The following AMOTL1 variants were observed in gnomAD, a reference collection of about 807,000 sequenced individuals.
AMOTL1 encodes angiomotin-like protein 1.
In AMOTL1, 45 loss-of-function variants were observed where a neutral mutation model predicts 102.9. That is an observed-to-expected ratio of 0.44 (90% CI 0.34 to 0.56). AMOTL1 has a LOEUF of 0.56. Among genes scored for constraint, AMOTL1 ranks in the 20% least tolerant of loss-of-function variants. The pLI is 0.01. For synonymous variants in AMOTL1, 481 were observed against 484.7 expected, an observed-to-expected ratio of 0.99 and a Z score of 0.10; for missense variants, 1,114 against 1,225.6, an observed-to-expected ratio of 0.91 and a Z score of 1.36.
chr11:94,769,050 G>A (rs1950903561), intron 1 of AMOTL1, among the ~76,000 whole-genome samples: 1 of 152,050 alleles, frequency 6.6e-6, no homozygotes, highest in Admixed American at 6.5e-5. Context: ...GGCCAGACCC[G>A]GCTCTGGCGG....
intron 1 of AMOTL1, among the ~76,000 whole-genome samples, chr11:94,725,870 T>C (rs1457858256): frequency 6.6e-6 from 1 of 152,160 alleles, no homozygotes; most frequent in Non-Finnish European, 1.5e-5. Context: ...AATGAGTTAC[T>C]GGAGTATTTT....
chr11:94,719,843 C>T (rs1306707047), intron 1 of AMOTL1, among the ~76,000 whole-genome samples: 1 of 152,120 alleles, frequency 6.6e-6, no homozygotes, highest in African/African-American at 2.4e-5. Context: ...GTGTATCACA[C>T]AGTATTTCTC....
chr11:94,875,228 T>C lies in AMOTL1; in HGVS notation c.*4433T>C, dbSNP rs1442245954. The C allele has an allele frequency of 1.3e-5, 2 of 152,236 alleles. No individual in the cohort carries two copies. Among genetic ancestry groups the C allele is most frequent in the African/African-American group, 4.8e-5 (2 of 41,464 alleles). The allele number at this position is 152,236 out of a possible 1,614,324, so 9.4% of individuals were successfully genotyped here. A position where few individuals can be genotyped will look rare whatever the true frequency, so the allele number is the denominator to read the frequency against. ...CTCCATGGGAGATAGGCAAAGTAAT[T>C]AAGAAGTTACCAGAAATTGGTCGGC... On this transcript the variant is annotated 3_prime_UTR_variant, in exon 13 of 13. Transcript: ENST00000433060.
intron 2 of AMOTL1, among the ~76,000 whole-genome samples, chr11:94,739,712 C>A (rs1950489584): frequency 6.6e-6 from 1 of 152,194 alleles, no homozygotes; most frequent in Non-Finnish European, 1.5e-5. Context: ...TTCCTTCCCA[C>A]TGACCCTGTT....
chr11:94,830,289 A>G (rs1409710798), intron 5 of AMOTL1, 95 bp downstream of exon 5: 9 of 1,211,036 alleles, frequency 7.4e-6, no homozygotes, highest in Non-Finnish European at 9.0e-6. Flanking sequence ...TGCCACAGGT[A>G]CTGGTCTACC....
chr11:94,869,504 GA>G, intron 12 of AMOTL1, 31 bp downstream of exon 12: 1 of 1,554,306 alleles, frequency 6.4e-7, no homozygotes, highest in East Asian at 2.3e-5. Flanking sequence ...TGATGCCCCT[GA>G]AAACTGTGGA....
At chr11:94,734,738 A>T (rs1019616613) in intron 2 of AMOTL1, among the ~76,000 whole-genome samples, 1 of 152,092 alleles carries the variant, frequency 6.6e-6, no homozygotes, top group Non-Finnish European at 1.5e-5. Context: ...CAGGAGAGAG[A>T]AGGCTACCTG....
At chr11:94,856,925 C>T (rs1359618996) in intron 8 of AMOTL1, among the ~76,000 whole-genome samples, 1 of 152,176 alleles carries the variant, frequency 6.6e-6, no homozygotes, top group East Asian at 1.9e-4. Context: ...CTACTTGGCC[C>T]CCTCTAACAA....
At chr11:94,755,349 G>C (rs867617125) in intron 3 of AMOTL1, among the ~76,000 whole-genome samples, 7 of 152,130 alleles carry the variant, frequency 4.6e-5, no homozygotes, top group African/African-American at 1.7e-4. Flanking sequence ...TGGAGAGTCA[G>C]AGCATCTTAG....
At position 94,753,031 on chromosome 11, in the gene AMOTL1, C is replaced by G. The variant is rs188269443; in HGVS notation, c.136+12043C>G. On this transcript the variant is annotated intron_variant, in intron 3 of 4. Transcript: ENST00000299004. ...TTTTATAAAAATATTTACCTGCTAG[C>G]TCTAAAAGTCATTTTCCCTCAAATT... is the stretch of plus-strand genomic sequence containing the variant. 3.0e-3 allele frequency among the ~76,000 whole-genome samples: 456 copies of G among 152,246 alleles called. 4 individuals carry two copies. The highest frequency in any genetic ancestry group is 0.01 in the African/African-American group (424 of 41,540).
At chr11:94,768,268 C>A (rs536254480), upstream of AMOTL1, 1,470 of 1,217,546 alleles carry the variant, frequency 1.2e-3, no homozygotes, top group Non-Finnish European at 1.4e-3. Context: ...GGCGCCACGG[C>A]GGGGGTGGAG....
intron 10 of AMOTL1, 110 bp downstream of exon 10, chr11:94,864,970 C>T: frequency 1.4e-6 from 2 of 1,384,078 alleles, no homozygotes; most frequent in Middle Eastern, 2.2e-4. Context: ...CATGAGGTCT[C>T]CAAAAACTCT....
chr11:94,771,714 C>A (rs1013963), intron 1 of AMOTL1, among the ~76,000 whole-genome samples: 135,911 of 151,968 alleles, frequency 0.89, 61,533 homozygotes, highest in Non-Finnish European at 0.99. Flanking sequence ...AGGCCCTTGG[C>A]TCTGCTCTCA....
chr11:94,755,500 C>G (rs1219183164), intron 3 of AMOTL1, among the ~76,000 whole-genome samples: 1 of 152,214 alleles, frequency 6.6e-6, no homozygotes, highest in South Asian at 2.1e-4. Flanking sequence ...TATTGTTACA[C>G]AGTGATCATT....
rs150940382 is a variant in AMOTL1, at chr11:94,821,806, C to T, written c.1398C>T (p.Ala466=). The T allele has an allele frequency of 4.9e-5, 79 of 1,613,824 alleles. No individual in the cohort carries two copies. The highest frequency in any genetic ancestry group is 4.6e-4 in the South Asian group (42 of 91,054). Reference sequence around the variant, plus strand: ...AACTTCAGGGTTACTACGACAATGCCGACAAGCTCCACAAGGTGCGTGACT... The same window carrying T: ...AACTTCAGGGTTACTACGACAATGCTGACAAGCTCCACAAGGTGCGTGACT... The part of the protein sequence containing the change: ...HQELQGYYDN[A]DKLHKFEKEL... The change falls in exon 4 of 13, where the codon GCC becomes GCT. Residue 466 remains alanine (A), a synonymous_variant. Coordinates refer to ENST00000433060, the MANE Select transcript of AMOTL1 (RefSeq NM_130847.3).
chr11:94,739,064 G>A (rs760162281), intron 2 of AMOTL1, among the ~76,000 whole-genome samples: 4 of 152,310 alleles, frequency 2.6e-5, no homozygotes, highest in East Asian at 1.9e-4. Context: ...TTATCTTCAA[G>A]AAATGAGGTA....
At chr11:94,740,436 G>T (rs1304578632) in intron 2 of AMOTL1, 1 of 152,110 alleles carries the variant, frequency 6.6e-6, no homozygotes, top group African/African-American at 2.4e-5. Flanking sequence ...TCTGCGGAGC[G>T]TGACGGCCAC....
intron 3 of AMOTL1, among the ~76,000 whole-genome samples, chr11:94,805,245 T>C (rs1214366699): frequency 6.6e-6 from 1 of 152,224 alleles, no homozygotes. Flanking sequence ...TCTGTTTTTT[T>C]CAACAGGACC....
intron 1 of AMOTL1, among the ~76,000 whole-genome samples, chr11:94,794,500 C>T (rs1951332317): frequency 6.6e-6 from 1 of 152,230 alleles, no homozygotes; most frequent in South Asian, 2.1e-4. Context: ...ACATTAGACT[C>T]CAGAAGTCTT....
Sources: gnomAD v4.1 joint callset for allele counts (sites outside exome capture counted in the v4.1 genomes callset) on GRCh38, gnomAD v4.1.1 for gene constraint, MANE v1.5 for transcripts, NCBI Gene and HGNC (gene_info 2026-07-23, HGNC 2026-07-21) for gene names.